ZDHHC1: variants seen among roughly 807,000 people sequenced by gnomAD.
ZDHHC1 encodes palmitoyltransferase ZDHHC1.
Under a neutral mutation model 46.9 loss-of-function variants are expected in ZDHHC1, and 45 were observed. That is an observed-to-expected ratio of 0.96 (90% confidence interval 0.76 to 1.23). The LOEUF (loss-of-function observed/expected upper bound fraction) is 1.23. Among genes scored for constraint, ZDHHC1 ranks in the 50% most tolerant of loss-of-function variants. ZDHHC1 has a pLI of 0.00. For synonymous variants in ZDHHC1, 291 were observed against 286.0 expected, an observed-to-expected ratio of 1.02 and a Z score of -0.18; for missense variants, 649 against 670.8, an observed-to-expected ratio of 0.97 and a Z score of 0.36.
intron 1 of ZDHHC1, among the ~76,000 whole-genome samples, chr16:67,413,764 A>AC (rs144021975): frequency 0.21 from 31,889 of 151,640 alleles, 6,985 homozygotes; most frequent in African/African-American, 0.56. Flanking sequence ...ACATGGTGAA[A>AC]CCCGTCTCTA....
At chr16:67,400,805 T>C in intron 4 of ZDHHC1, 152 bp downstream of exon 4, 1 of 837,732 alleles carries the variant, frequency 1.2e-6, no homozygotes, top group Non-Finnish European at 1.8e-6. Context: ...ACCTTCTCAG[T>C]AACCCAATAC....
rs766454880 is a variant in ZDHHC1, at chr16:67,406,436, T to C, written c.16A>G (p.Ile6Val). The change falls in exon 3 of 12, where the codon ATC (isoleucine) becomes GTC (valine). Residue 6 changes from isoleucine to valine, a missense_variant. Physicochemically the swap from Ile to Val is conservative, Grantham distance 29. Coordinates refer to ENST00000565726, the MANE Select transcript of ZDHHC1 (RefSeq NM_001323627.2). The surrounding 1 kb of genome is among the most constrained non-coding windows in gnomAD (Gnocchi z 4.1). ...GTCTTGTTGGAGGGCTTGTTGCAGA[T>C]GTTCATCTCCAGAGGGAGAAACAGT... MYKMN[I>V]CNKPSNKTAP... is the part of the protein sequence containing the mutation. 6.5e-7 allele frequency: 1 copy of C among 1,538,958 alleles called. No individual in the cohort carries two copies. The highest frequency in any genetic ancestry group is 8.8e-7 in the Non-Finnish European group (1 of 1,141,382).
chr16:67,395,408 AC>A, intron 9 of ZDHHC1, 75 bp downstream of exon 9: 2 of 1,540,964 alleles, frequency 1.3e-6, no homozygotes, highest in Middle Eastern at 1.8e-4. Flanking sequence ...ACCTTAGCCT[AC>A]CCCCTTCTCC....
rs773053343 is a variant in ZDHHC1, at chr16:67,394,683, G to A, written c.1376C>T (p.Ala459Val). 2 of 1,258,056 alleles carry A rather than the reference G, an allele frequency of 1.6e-6. No individual in the cohort carries two copies. Among genetic ancestry groups the A allele is most frequent in the Non-Finnish European group, 2.0e-6 (2 of 1,005,126 alleles). 77.9% of individuals were successfully genotyped at this position (1,258,056 alleles called of 1,614,324 possible). ...GCTCGGGCTCACGAAAACGGCGGGCGCACGCGCCTGCCGCGCCAGCGTGGG... is the reference window on the plus strand; with the variant it reads ...GCTCGGGCTCACGAAAACGGCGGGCACACGCGCCTGCCGCGCCAGCGTGGG... Reference protein sequence around the residue: ...RQPTLARQARAPAVFVSPSSG... With the variant: ...RQPTLARQARVPAVFVSPSSG... Residue 459 changes from alanine (A) to valine (V), a missense_variant, in exon 12 of 12, where the codon GCG (alanine) becomes GTG (valine). Physicochemically the swap from Ala to Val is moderately conservative, Grantham distance 64. Transcript: ENST00000565726.
At chr16:67,398,785 T>C (rs1018622200) in intron 6 of ZDHHC1, 35 bp downstream of exon 6, 7 of 1,612,200 alleles carry the variant, frequency 4.3e-6, no homozygotes, top group Non-Finnish European at 5.1e-6. Flanking sequence ...GTGACCAGGG[T>C]TGGGGGTGAG....
At chr16:67,395,868 G>GC in intron 8 of ZDHHC1, 3 of 400,142 alleles carry the variant, frequency 7.5e-6, no homozygotes, top group South Asian at 3.0e-5. Context: ...GGGAGTGGTG[G>GC]GAAGCTCAGA....
At chr16:67,396,699 G>A (rs1406145996) in intron 8 of ZDHHC1, among the ~76,000 whole-genome samples, 1 of 152,190 alleles carries the variant, frequency 6.6e-6, no homozygotes, top group African/African-American at 2.4e-5. Flanking sequence ...CGAGGAGCGC[G>A]GGGTCAGGGG....
At chr16:67,395,425 C>T in intron 9 of ZDHHC1, 59 bp downstream of exon 9, 2 of 1,546,842 alleles carry the variant, frequency 1.3e-6, no homozygotes, top group Middle Eastern at 1.7e-4. Flanking sequence ...TCTCCTGCCT[C>T]GATGGCCCTG....
chr16:67,411,556 A>G (rs2040748122), intron 1 of ZDHHC1, among the ~76,000 whole-genome samples: 1 of 152,218 alleles, frequency 6.6e-6, no homozygotes. Flanking sequence ...ACTTTAGAAC[A>G]TATATGCCCT....
chr16:67,410,384 C>T (rs899602366), intron 1 of ZDHHC1, among the ~76,000 whole-genome samples: 1 of 152,156 alleles, frequency 6.6e-6, no homozygotes, highest in African/African-American at 2.4e-5. Context: ...TCTTCATGTA[C>T]CTTCTACTGC....
chr16:67,413,115 T>G (rs1371870810), intron 1 of ZDHHC1, among the ~76,000 whole-genome samples: 1 of 151,924 alleles, frequency 6.6e-6, no homozygotes, highest in African/African-American at 2.4e-5. Context: ...GATCCTGCTT[T>G]GTTGCCTAAG....
At position 67,395,002 on chromosome 16, in the gene ZDHHC1, C is replaced by G. The variant is rs1273987431; in HGVS notation, c.1165G>C (p.Gly389Arg). The stretch of plus-strand genomic sequence containing the variant: ...GACCCGGACAGGGAGAGGCGCTCAC[C>G]CGACGCCGGATCCGAGGTCTCAGAC... ...RTSETSDPAS[G>R]PRAPSRRSSS... Residue 389 changes from glycine (G) to arginine (R), a missense_variant and splice_region_variant, in exon 11 of 12, where the codon GGG becomes CGG. Physicochemically the swap from Gly to Arg is moderately radical, Grantham distance 125 (BLOSUM62 -2). Transcript: ENST00000565726. 6.2e-7 allele frequency: 1 copy of G among 1,609,452 alleles called. No individual in the cohort carries two copies. Among genetic ancestry groups the G allele is most frequent in the Non-Finnish European group, 8.5e-7 (1 of 1,178,152 alleles).
At chr16:67,404,641 C>T (rs2040619304) in intron 3 of ZDHHC1, 1 of 453,942 alleles carries the variant, frequency 2.2e-6, no homozygotes, top group Admixed American at 2.4e-5. Context: ...GTCAGGCTTC[C>T]TGGGCAGCCC....
chr16:67,398,502 C>G lies in ZDHHC1; in HGVS notation c.814+71G>C, dbSNP rs114125206. 25 of 1,541,290 alleles carry G rather than the reference C, an allele frequency of 1.6e-5. No homozygotes were observed. The African/African-American group carries it at 2.5e-4, about 15-fold the overall frequency. Reference sequence around the variant, plus strand: ...GCAGGGGCATGGTTTCAGGGTCCACCGTCCAACTGGGCACCTTCCTGCAAT... The same window carrying G: ...GCAGGGGCATGGTTTCAGGGTCCACGGTCCAACTGGGCACCTTCCTGCAAT... On this transcript the variant is annotated intron_variant, in intron 7 of 11. Transcript: ENST00000565726.
intron 1 of ZDHHC1, among the ~76,000 whole-genome samples, chr16:67,413,389 C>T (rs1045819887): frequency 6.6e-6 from 1 of 152,202 alleles, no homozygotes; most frequent in African/African-American, 2.4e-5. Flanking sequence ...TCACGGTACA[C>T]AGATTTTTAC....
rs1209448376 is a variant in ZDHHC1, at chr16:67,394,898, G to T, written c.1166-5C>A. ...GGCGGCTGGGGGCCCTAGGCCCTGCGCAAGGGAAGGGAACATGAGCCCAGT... is the reference window on the plus strand; with the variant it reads ...GGCGGCTGGGGGCCCTAGGCCCTGCTCAAGGGAAGGGAACATGAGCCCAGT... On this transcript the variant is annotated splice_region_variant and splice_polypyrimidine_tract_variant and intron_variant, in intron 11 of 11. Transcript: ENST00000565726. 3 of 1,563,050 alleles carry T rather than the reference G, an allele frequency of 1.9e-6. No homozygotes were observed. The highest frequency in any genetic ancestry group is 1.7e-6 in the Non-Finnish European group (2 of 1,156,212).
chr16:67,412,943 G>T (rs1176648832), intron 1 of ZDHHC1, among the ~76,000 whole-genome samples: 1 of 152,030 alleles, frequency 6.6e-6, no homozygotes, highest in Non-Finnish European at 1.5e-5. Context: ...TGGGATTACA[G>T]GTGCCCGCCG....
At chr16:67,394,948 C>T in intron 11 of ZDHHC1, 54 bp downstream of exon 11, 1 of 1,564,900 alleles carries the variant, frequency 6.4e-7, no homozygotes, top group Non-Finnish European at 8.6e-7. Context: ...TGTGGCTCTG[C>T]CTTCCCCTCC....
At chr16:67,412,857 G>A (rs2040770718) in intron 1 of ZDHHC1, among the ~76,000 whole-genome samples, 1 of 151,826 alleles carries the variant, frequency 6.6e-6, no homozygotes, top group Non-Finnish European at 1.5e-5. Context: ...CTGGAGTGCA[G>A]TGGTGCGATC....
Sources: allele counts gnomAD v4.1 joint callset (sites outside exome capture counted in the v4.1 genomes callset), GRCh38; gene constraint gnomAD v4.1.1; non-coding constraint Gnocchi (gnomAD v3.1); transcripts MANE v1.5; gene names NCBI Gene and HGNC (gene_info 2026-07-23, HGNC 2026-07-21).